CXADR: variants seen among roughly 807,000 people sequenced by gnomAD.
CXADR encodes CXADR cell adhesion molecule.
In CXADR, 20 loss-of-function variants were observed where a neutral mutation model predicts 40.3. The ratio of observed to expected loss-of-function variants is 0.50; its 90% CI spans 0.35 to 0.72. The LOEUF is 0.72. Ranked by LOEUF, CXADR falls within the 30% of genes least tolerant of loss-of-function variation. CXADR has a pLI of 0.01. For synonymous variants in CXADR, 150 were observed against 161.3 expected (o/e 0.93, Z 0.53); for missense variants, 332 against 449.1 (o/e 0.74, Z 2.36).
chr21:17,559,134 A>C lies in CXADR; in HGVS notation c.571+3A>C. 6.2e-7 allele frequency: 1 copy of C among 1,613,714 alleles called. No homozygotes were observed. Among genetic ancestry groups the C allele is most frequent in the Non-Finnish European group, 8.5e-7 (1 of 1,179,670 alleles). On this transcript the variant is annotated splice_donor_region_variant and intron_variant, in intron 4 of 6. Coordinates refer to ENST00000284878, the MANE Select transcript of CXADR (RefSeq NM_001338.5). ...AATGCCCACTTCATGGTTAGCAGGT[A>C]CTGCTGATAATAGTATTTGTACCAC...
the CXADR span, chr21:17,633,111 C>G: frequency 6.6e-6 from 1 of 152,178 alleles, no homozygotes; most frequent in East Asian, 1.9e-4. Flanking sequence ...GCCTCAGAAT[C>G]AAGGTCTCTC....
chr21:17,546,886 G>C lies in CXADR; in HGVS notation c.44-141G>C. On this transcript the variant is annotated intron_variant, in intron 1 of 6. Coordinates refer to ENST00000284878, the MANE Select transcript of CXADR (RefSeq NM_001338.5). ...ACAAATTAAAAACTGGGCATCTCTT[G>C]AGTTTGGACTCCATTCCTCGGGACC... 8.2e-6 allele frequency: 7 copies of C among 857,018 alleles called. No individual in the cohort carries two copies. The South Asian group carries it at 1.2e-4, about 15-fold the overall frequency. 53.1% of individuals were successfully genotyped at this position (857,018 alleles called of 1,614,324 possible).
Position 17,566,786 on chromosome 21 carries a change from A to G in CXADR, c.*1094A>G. On this transcript the variant is annotated 3_prime_UTR_variant, in exon 7 of 7. Coordinates refer to ENST00000284878, the MANE Select transcript of CXADR (RefSeq NM_001338.5). ...TATCATAAATGCAGAATAATCAAAT[A>G]CATTTTAAGCAAGTTAAGTGTCCTC... The G allele has an allele frequency of 3.1e-6, 3 of 964,836 alleles. No individual in the cohort carries two copies. The highest frequency in any genetic ancestry group is 3.7e-6 in the Non-Finnish European group (3 of 811,238). The allele number at this position is 964,836 out of a possible 1,614,324, so 59.8% of individuals were successfully genotyped here.
chr21:17,630,221 T>C, the CXADR span, among the ~76,000 whole-genome samples: 4 of 152,286 alleles, frequency 2.6e-5, no homozygotes, highest in African/African-American at 9.6e-5. Context: ...AATTAGAAAA[T>C]TGTATGAAGT....
At chr21:17,629,045 A>G in the CXADR span, among the ~76,000 whole-genome samples, 4 of 152,142 alleles carry the variant, frequency 2.6e-5, no homozygotes, top group African/African-American at 9.7e-5. Context: ...AGTCAAGTTG[A>G]CATATACAAT....
Position 17,567,513 on chromosome 21 carries a change from C to T in CXADR, c.*1821C>T. 3 of 985,398 alleles carry T rather than the reference C, an allele frequency of 3.0e-6. No homozygotes were observed. Among genetic ancestry groups the T allele is most frequent in the Non-Finnish European group, 2.4e-6 (2 of 829,906 alleles). 61.0% of individuals were successfully genotyped at this position (985,398 alleles called of 1,614,324 possible). On this transcript the variant is annotated 3_prime_UTR_variant, in exon 7 of 7. Coordinates refer to ENST00000284878, the MANE Select transcript of CXADR (RefSeq NM_001338.5). ...GGTGAAGGTACTGTTTCTAAAAACA[C>T]ATCACTGTGATACCTTTCTATCCTC... is the stretch of plus-strand genomic sequence containing the variant.
the CXADR span, among the ~76,000 whole-genome samples, chr21:17,628,269 T>G: frequency 0.014 from 2,163 of 152,312 alleles, 28 homozygotes; most frequent in Middle Eastern, 0.041. Context: ...AAGAGATTTA[T>G]TTTAAGGAAT....
At chr21:17,581,208 T>C (rs866261958) in intron 7 of CXADR, among the ~76,000 whole-genome samples, 22 of 152,360 alleles carry the variant, frequency 1.4e-4, no homozygotes, top group South Asian at 6.2e-4. Flanking sequence ...TTCCAATTGA[T>C]GGTCATTTAA....
At chr21:17,572,456 C>T (rs1438176342), downstream of CXADR, among the ~76,000 whole-genome samples, 1 of 152,062 alleles carries the variant, frequency 6.6e-6, no homozygotes, top group African/African-American at 2.4e-5. Flanking sequence ...AAAGAGTTAA[C>T]TTGCGCAAAT....
intron 7 of CXADR, among the ~76,000 whole-genome samples, chr21:17,586,698 C>T (rs1569160127): frequency 6.6e-6 from 1 of 151,818 alleles, no homozygotes; most frequent in East Asian, 1.9e-4. Context: ...AATGGATAGC[C>T]AAATACCTAT....
downstream of CXADR, chr21:17,594,309 A>T: frequency 1.2e-6 from 2 of 1,612,968 alleles, no homozygotes; most frequent in Non-Finnish European, 1.7e-6. Flanking sequence ...ACATTGGAAG[A>T]GGTGGAAATA....
chr21:17,543,033 C>A, intron 1 of CXADR: 2 of 372,900 alleles, frequency 5.4e-6, no homozygotes, highest in East Asian at 8.6e-5. Flanking sequence ...TAGTGCAACA[C>A]AGTGAAGAGG....
chr21:17,633,527 C>T, the CXADR span, among the ~76,000 whole-genome samples: 501 of 152,252 alleles, frequency 3.3e-3, 2 homozygotes, highest in African/African-American at 0.011. Context: ...TGCACTTCAG[C>T]CAGGGCAACA....
intron 1 of CXADR, among the ~76,000 whole-genome samples, chr21:17,539,863 G>A (rs532749001): frequency 6.6e-6 from 1 of 152,226 alleles, no homozygotes; most frequent in African/African-American, 2.4e-5. Flanking sequence ...TTCATGTCCA[G>A]TTGAACAGTA....
At chr21:17,606,740 A>T in the CXADR span, among the ~76,000 whole-genome samples, 1 of 152,162 alleles carries the variant, frequency 6.6e-6, no homozygotes, top group Non-Finnish European at 1.5e-5. Flanking sequence ...ACAAAATTTT[A>T]AAAGTTGCAT....
At chr21:17,596,749 A>C (rs977648089), downstream of CXADR, among the ~76,000 whole-genome samples, 1 of 152,052 alleles carries the variant, frequency 6.6e-6, no homozygotes, top group Non-Finnish European at 1.5e-5. Context: ...AAAATTTTGA[A>C]TCAATTTGTC....
Position 17,566,360 on chromosome 21 carries a change from C to G in CXADR, c.*668C>G. The G allele has an allele frequency of 1.0e-6, 1 of 984,972 alleles. No homozygotes were observed. The highest frequency in any genetic ancestry group is 1.2e-6 in the Non-Finnish European group (1 of 829,582). 61.0% of individuals were successfully genotyped at this position (984,972 alleles called of 1,614,324 possible). On this transcript the variant is annotated 3_prime_UTR_variant, in exon 7 of 7. Transcript: ENST00000284878. ...ACAGGTAATAGGGACTTAGCAAGCT[C>G]TTTTATATGCTAAAGGAGCATCTAT...
downstream of CXADR, chr21:17,594,128 G>A (rs2061471549): frequency 6.2e-7 from 1 of 1,613,080 alleles, no homozygotes; most frequent in African/African-American, 1.3e-5. Flanking sequence ...TTAATCCAGT[G>A]ATTCCGGTCA....
chr21:17,538,891 A>G (rs1409893118), intron 1 of CXADR, among the ~76,000 whole-genome samples: 1 of 152,190 alleles, frequency 6.6e-6, no homozygotes, highest in Non-Finnish European at 1.5e-5. Context: ...TTAGAATGAG[A>G]AAGTGTGGTT....
Sources: gnomAD v4.1 joint callset for allele counts (sites outside exome capture counted in the v4.1 genomes callset) on GRCh38, gnomAD v4.1.1 for gene constraint, MANE v1.5 for transcripts, NCBI Gene and HGNC (gene_info 2026-07-23, HGNC 2026-07-21) for gene names.